The following EIF2B1 variants were observed in gnomAD, a reference collection of about 807,000 sequenced individuals.
EIF2B1 encodes translation initiation factor eIF2B subunit alpha.
A neutral mutation model predicts 36.8 loss-of-function variants in EIF2B1; 30 were observed. The ratio of observed to expected loss-of-function variants is 0.81; its 90% CI spans 0.61 to 1.10. The LOEUF (loss-of-function observed/expected upper bound fraction) is 1.10. EIF2B1 is among the 50% of genes least tolerant of loss of function. The pLI, the probability that EIF2B1 is intolerant of heterozygous loss-of-function variation, is 0.00. For missense variants in EIF2B1, 271 were observed against 374.8 expected (o/e 0.72, Z 2.29); for synonymous variants, 139 against 142.2 (o/e 0.98, Z 0.16).
In EIF2B1 at chr12:123,633,624, G is replaced by T; in HGVS notation, c.-67C>A. 6.3e-7 allele frequency: 1 copy of T among 1,596,604 alleles called. No homozygotes were observed. ...CGCGCTGTCTCGAACGGGTCCGCCG[G>T]CCGCGCCGCCTGCGAGCCAGTCTGA... On this transcript the variant is annotated 5_prime_UTR_variant, in exon 1 of 9. Coordinates refer to ENST00000424014, the MANE Select transcript of EIF2B1 (RefSeq NM_001414.4).
At chr12:123,626,237 C>T (rs1955147579) in intron 6 of EIF2B1, 188 bp downstream of exon 6, 2 of 645,522 alleles carry the variant, frequency 3.1e-6, no homozygotes, top group East Asian at 2.8e-5. Flanking sequence ...CATCCTACAG[C>T]TCTGTCTTCT....
chr12:123,627,134 G>A lies in EIF2B1; in HGVS notation c.392C>T (p.Ser131Phe), dbSNP rs1178382059. 3 of 1,614,090 alleles carry A rather than the reference G, an allele frequency of 1.9e-6. No individual in the cohort carries two copies. The South Asian group carries it at 3.3e-5, about 18-fold the overall frequency. ...TTCCAGGACTCTCAGGACCACTCTGGAGTAGGCGTGAGTCAATATTGTCTG... is the reference window on the plus strand; with the variant it reads ...TTCCAGGACTCTCAGGACCACTCTGAAGTAGGCGTGAGTCAATATTGTCTG... ...DGATILTHAY[S>F]RVVLRVLEAA... Residue 131 changes from serine to phenylalanine, a missense_variant, in exon 5 of 9, where the codon TCC becomes TTC. Coordinates refer to ENST00000424014, the MANE Select transcript of EIF2B1 (RefSeq NM_001414.4).
At chr12:123,633,060 C>G (rs1377272333) in intron 1 of EIF2B1, among the ~76,000 whole-genome samples, 1 of 151,584 alleles carries the variant, frequency 6.6e-6, no homozygotes, top group African/African-American at 2.4e-5. Context: ...CTGAGAGGAT[C>G]CCAGAGTCAA....
Position 123,620,580 on chromosome 12 carries a change from T to TTTATA in EIF2B1, c.*1175_*1176insTATAA, listed in dbSNP as rs1491406627. On this transcript the variant is annotated 3_prime_UTR_variant, in exon 9 of 9. Coordinates refer to ENST00000424014, the MANE Select transcript of EIF2B1 (RefSeq NM_001414.4). ...GGTCACATATAGACATATGTACATA[T>TTTATA]TATATATATATATATATATATATAT... 6.1e-5 allele frequency: 4 copies of TTTATA among 65,360 alleles called. No individual in the cohort carries two copies. The Admixed American group carries it at 7.8e-4, about 13-fold the overall frequency. The allele number at this position is 65,360 out of a possible 1,614,324, so 4.0% of individuals were successfully genotyped here.
chr12:123,623,989 A>G (rs540705694), intron 7 of EIF2B1, among the ~76,000 whole-genome samples: 12 of 151,794 alleles, frequency 7.9e-5, no homozygotes, highest in African/African-American at 2.4e-4. Context: ...GTAAGCTATG[A>G]TCACTGTACT....
chr12:123,624,702 C>CATA, intron 7 of EIF2B1, 85 bp downstream of exon 7: 6 of 1,152,038 alleles, frequency 5.2e-6, no homozygotes, highest in Non-Finnish European at 7.9e-6. Flanking sequence ...TAGAAGGAAC[C>CATA]ATAATCAACA....
rs1169660167 is a variant in EIF2B1 at position 123,630,597 on chromosome 12, A to AATTC, written c.116-68_116-65dup. ...GGCCACAGCCCCGACCTGTATCTTCAATTCATTCATTCATTCAGTGAATAT... is the reference window on the plus strand; with the variant it reads ...GGCCACAGCCCCGACCTGTATCTTCAATTCATTCATTCATTCATTCAGTGAATAT... On this transcript the variant is annotated intron_variant, in intron 2 of 8. Transcript: ENST00000424014. The surrounding 1 kb of genome is among the most constrained non-coding windows in gnomAD (Gnocchi z 4.6). 6.3e-7 allele frequency: 1 copy of AATTC among 1,597,390 alleles called. No homozygotes were observed. The highest frequency in any genetic ancestry group is 8.5e-7 in the Non-Finnish European group (1 of 1,173,978).
Position 123,630,379 on chromosome 12 carries a change from G to T in EIF2B1, c.252+18C>A, listed in dbSNP as rs768881324. The T allele has an allele frequency of 6.8e-6, 11 of 1,614,122 alleles. No individual in the cohort carries two copies. On this transcript the variant is annotated intron_variant, in intron 3 of 8. Coordinates refer to ENST00000424014, the MANE Select transcript of EIF2B1 (RefSeq NM_001414.4). This position sits in a 1 kb window ranked among gnomAD's most constrained non-coding sequence, Gnocchi z 4.6. ...ACAGAGAAGTGGAAAGGTAACCCCA[G>T]GGAGAACAGGCACTTACGGAGTATT...
intron 2 of EIF2B1, among the ~76,000 whole-genome samples, chr12:123,631,674 G>A (rs889234835): frequency 1.3e-5 from 2 of 152,168 alleles, no homozygotes; most frequent in Non-Finnish European, 2.9e-5. Context: ...TAGGCATGGT[G>A]GCGGGCGCCT....
chr12:123,622,453 G>A (rs1955110638), intron 8 of EIF2B1, among the ~76,000 whole-genome samples, 183 bp downstream of exon 8: 1 of 152,194 alleles, frequency 6.6e-6, no homozygotes, highest in Non-Finnish European at 1.5e-5. Flanking sequence ...TACTTAAAGA[G>A]ACTGAAAGAC....
At chr12:123,628,728 C>T (rs1257348933) in intron 4 of EIF2B1, among the ~76,000 whole-genome samples, 3 of 152,124 alleles carry the variant, frequency 2.0e-5, no homozygotes, top group African/African-American at 7.2e-5. Context: ...AGAACCAGCT[C>T]TCTAGCTCCT....
Position 123,633,577 on chromosome 12 carries a change from G to A in EIF2B1, c.-20C>T, listed in dbSNP as rs560723082. ...GTCCATGGCGTCCTCCTGCTGCGGA[G>A]CCCCAGGGGACCCGAGCCGCCCGCG... is the stretch of plus-strand genomic sequence containing the variant. On this transcript the variant is annotated 5_prime_UTR_variant, in exon 1 of 9. Transcript: ENST00000424014. The A allele has an allele frequency of 2.5e-6, 4 of 1,609,494 alleles. No homozygotes were observed. Among genetic ancestry groups the A allele is most frequent in the South Asian group, 1.1e-5 (1 of 91,068 alleles).
At chr12:123,627,021 T>A (rs1298056392) in intron 5 of EIF2B1, 23 bp downstream of exon 5, 1 of 1,605,358 alleles carries the variant, frequency 6.2e-7, no homozygotes, top group South Asian at 1.1e-5. Context: ...GCTGGGCACA[T>A]AACTGAACAG....
chr12:123,626,923 A>G, intron 5 of EIF2B1, 121 bp downstream of exon 5: 1 of 860,272 alleles, frequency 1.2e-6, no homozygotes. Flanking sequence ...GTACAATGAA[A>G]GGCAGTGCTG....
intron 6 of EIF2B1, 71 bp from the exon 7 acceptor site, chr12:123,624,933 T>C: frequency 7.3e-7 from 1 of 1,374,784 alleles, no homozygotes; most frequent in Non-Finnish European, 1.0e-6. Flanking sequence ...TCTGCAAAGA[T>C]CAATATTCCA....
Position 123,621,091 on chromosome 12 carries a change from G to A in EIF2B1, c.*665C>T, listed in dbSNP as rs2707. On this transcript the variant is annotated 3_prime_UTR_variant, in exon 9 of 9. Transcript: ENST00000424014. ...TTCCCAAGTATAATTTTAAAAAGCT[G>A]TTTAGGACCCAAACATATTTAAACA... 11,457 of 155,120 alleles carry A rather than the reference G, an allele frequency of 0.074. 602 individuals carry two copies. The highest frequency in any genetic ancestry group is 0.14 in the African/African-American group (5,814 of 41,516). 9.6% of individuals were successfully genotyped at this position (155,120 alleles called of 1,614,324 possible).
At chr12:123,632,849 G>A (rs1052862391) in intron 1 of EIF2B1, among the ~76,000 whole-genome samples, 8 of 150,930 alleles carry the variant, frequency 5.3e-5, no homozygotes, top group African/African-American at 2.0e-4. Flanking sequence ...GGGAGGCTGA[G>A]GCAGGAGAAT....
In EIF2B1 at chr12:123,630,795, G is replaced by A. The variant is rs1190043338; in HGVS notation, c.116-262C>T. Among the ~76,000 whole-genome samples the A allele has an allele frequency of 2.6e-5, 4 of 152,204 alleles. No individual in the cohort carries two copies. Among genetic ancestry groups the A allele is most frequent in the African/African-American group, 7.2e-5 (3 of 41,444 alleles). ...TGGCTGGGCATGGTGGCTCACGCCT[G>A]TAATCTCAGCACTTTGGGAGGCTGA... On this transcript the variant is annotated intron_variant, in intron 2 of 8. Transcript: ENST00000424014. This position sits in a 1 kb window ranked among gnomAD's most constrained non-coding sequence, Gnocchi z 4.6.
intron 1 of EIF2B1, 28 bp downstream of exon 1, chr12:123,633,517 C>G (rs1955219838): frequency 1.2e-6 from 2 of 1,613,720 alleles, no homozygotes; most frequent in Non-Finnish European, 1.7e-6. Flanking sequence ...CTGCTGTAGC[C>G]TAGCAGCCCT....
Sources: gnomAD v4.1 joint callset for allele counts (sites outside exome capture counted in the v4.1 genomes callset) on GRCh38, gnomAD v4.1.1 for gene constraint, Gnocchi (gnomAD v3.1) non-coding constraint, MANE v1.5 for transcripts, NCBI Gene and HGNC (gene_info 2026-07-23, HGNC 2026-07-21) for gene names.